The following TCEA2 variants were observed in gnomAD, a reference collection of about 807,000 sequenced individuals.
The protein encoded by TCEA2 is transcription elongation factor A protein 2.
TCEA2 carries 21 observed loss-of-function variants against 40.8 expected under a neutral mutation model. The observed-to-expected ratio is 0.51, with a 90% CI of 0.36 to 0.74. TCEA2 has a LOEUF of 0.74. Among genes scored for constraint, TCEA2 ranks in the 30% least tolerant of loss-of-function variants. TCEA2 has a pLI of 0.00. For missense variants in TCEA2, 326 were observed against 426.5 expected (o/e 0.76, Z 2.08); for synonymous variants, 165 against 162.7 (o/e 1.01, Z -0.11).
At chr20:64,071,974 C>G (rs1408324247) in intron 9 of TCEA2, 33 bp downstream of exon 9, 1 of 1,612,884 alleles carries the variant, frequency 6.2e-7, no homozygotes, top group Non-Finnish European at 8.5e-7. Context: ...CCCCTCCCAG[C>G]TCCATTCTCT....
intron 6 of TCEA2, chr20:64,070,052 C>T (rs1168093554): frequency 2.2e-6 from 2 of 893,340 alleles, no homozygotes; most frequent in African/African-American, 3.3e-5. Context: ...GGGCTGTAGC[C>T]TGAAGCTGGG....
At chr20:64,066,450 T>C (rs1339328172) in intron 1 of TCEA2, 26 bp from the exon 2 acceptor site, 1 of 1,612,434 alleles carries the variant, frequency 6.2e-7, no homozygotes, top group South Asian at 1.1e-5. Context: ...TAAAGTCCTT[T>C]ATGAAGGTCC....
At chr20:64,056,103 C>T (rs2059470673), upstream of TCEA2, among the ~76,000 whole-genome samples, 1 of 152,104 alleles carries the variant, frequency 6.6e-6, no homozygotes, top group African/African-American at 2.4e-5. Context: ...CCGCCACTGG[C>T]CTCTGGGGAT....
chr20:64,067,962 G>T (rs995085913), intron 3 of TCEA2, 85 bp from the exon 4 acceptor site: 8 of 1,036,076 alleles, frequency 7.7e-6, no homozygotes, highest in Non-Finnish European at 1.1e-5. Context: ...GTTGGTGGTC[G>T]GGCTGAGGCT....
At position 64,066,942 on chromosome 20, in the gene TCEA2, GC is replaced by G; in HGVS notation, c.166del (p.Leu56PhefsTer91). On this transcript the variant is annotated frameshift_variant, in exon 3 of 10. Coordinates refer to ENST00000343484, the MANE Select transcript of TCEA2 (RefSeq NM_003195.6). LOFTEE classifies it high-confidence loss of function. ...CACCCGAGTCGGGATGTCTGTCAAC[GC>G]CCTTCGGAAGCAGAGCTCGGATGAG... ...QSTRVGMSVN[A>X]LRKQSSDEEV... The G allele has an allele frequency of 1.9e-6, 3 of 1,614,028 alleles. No individual in the cohort carries two copies. The highest frequency in any genetic ancestry group is 2.5e-6 in the Non-Finnish European group (3 of 1,179,974).
chr20:64,062,397 A>C (rs896909341), upstream of TCEA2: 2 of 152,276 alleles, frequency 1.3e-5, no homozygotes, highest in African/African-American at 4.8e-5. Flanking sequence ...AATGAACACT[A>C]ATTGTCATGC....
rs1419714721 is a variant in TCEA2 at position 64,069,380 on chromosome 20, C to G, written c.349C>G (p.Pro117Ala). Residue 117 changes from proline to alanine, a missense_variant, in exon 5 of 10, where the codon CCC becomes GCC. Physicochemically the swap from Pro to Ala is conservative, Grantham distance 27. Transcript: ENST00000343484. The stretch of plus-strand genomic sequence containing the variant: ...CTGCAGCCGCAAGAGGCCGGAGCTG[C>G]CCAGGGCACCGTCGACTCCGAGGAT... ...PDPSRKRPEL[P>A]RAPSTPRITT... The G allele has an allele frequency of 6.3e-7, 1 of 1,598,426 alleles. No individual in the cohort carries two copies. Among genetic ancestry groups the G allele is most frequent in the Non-Finnish European group, 8.5e-7 (1 of 1,172,714 alleles).
At chr20:64,060,217 A>T (rs2059535555), upstream of TCEA2, among the ~76,000 whole-genome samples, 1 of 152,058 alleles carries the variant, frequency 6.6e-6, no homozygotes, top group South Asian at 2.1e-4. Flanking sequence ...CCAGCATCTC[A>T]GGATCTGCAG....
rs1418610164 is a variant in TCEA2, at chr20:64,066,909, TCG to T, written c.136-5_136-4del. 1 of 1,613,554 alleles carries T rather than the reference TCG, an allele frequency of 6.2e-7. No homozygotes were observed. On this transcript the variant is annotated splice_region_variant and splice_polypyrimidine_tract_variant and intron_variant, in intron 2 of 9. Coordinates refer to ENST00000343484, the MANE Select transcript of TCEA2 (RefSeq NM_003195.6). Reference sequence around the variant, plus strand: ...CCTCCCCCAACCCAGACCACTTGCCTCGTAGTCCACCCGAGTCGGGATGTCTG... The same window carrying T: ...CCTCCCCCAACCCAGACCACTTGCCTTAGTCCACCCGAGTCGGGATGTCTG...
chr20:64,057,170 C>A (rs994199378), upstream of TCEA2: 9 of 152,232 alleles, frequency 5.9e-5, no homozygotes, highest in African/African-American at 2.2e-4. Context: ...TCCACCTGCA[C>A]GTCATGTGGC....
chr20:64,063,402 C>T lies in TCEA2; in HGVS notation c.72+18C>T. On this transcript the variant is annotated intron_variant, in intron 1 of 9. Transcript: ENST00000343484. ...AGAGCGCGGTGAGGGGCGCGGGCCGCCAGGACCCCGGGAACCCCGCCCCGC... is the reference window on the plus strand; with the variant it reads ...AGAGCGCGGTGAGGGGCGCGGGCCGTCAGGACCCCGGGAACCCCGCCCCGC... The T allele has an allele frequency of 1.3e-6, 2 of 1,543,294 alleles. No homozygotes were observed. The highest frequency in any genetic ancestry group is 1.7e-6 in the Non-Finnish European group (2 of 1,145,698).
intron 8 of TCEA2, 44 bp downstream of exon 8, chr20:64,070,679 G>T: frequency 6.7e-7 from 1 of 1,482,110 alleles, no homozygotes; most frequent in South Asian, 1.3e-5. Context: ...GGTGTCTTCA[G>T]GGCATCTGGT....
At chr20:64,070,115 T>C in intron 6 of TCEA2, 145 bp from the exon 7 acceptor site, 1 of 1,252,314 alleles carries the variant, frequency 8.0e-7, no homozygotes, top group Non-Finnish European at 1.1e-6. Flanking sequence ...CCTTCACCTC[T>C]CCACCAGGTG....
chr20:64,060,415 C>T (rs551868225), upstream of TCEA2, among the ~76,000 whole-genome samples: 24 of 152,336 alleles, frequency 1.6e-4, 1 homozygote, highest in East Asian at 1.9e-3. Flanking sequence ...CCCGGACCTC[C>T]GAAGCCAAAC....
At chr20:64,056,092 G>T (rs6062623), upstream of TCEA2, among the ~76,000 whole-genome samples, 304 of 152,268 alleles carry the variant, frequency 2.0e-3, 1 homozygote, top group African/African-American at 7.1e-3. Context: ...GGCCGCCAGG[G>T]CCGCCACTGG....
intron 7 of TCEA2, 23 bp downstream of exon 7, chr20:64,070,437 G>A (rs368732895): frequency 8.1e-6 from 13 of 1,613,838 alleles, no homozygotes; most frequent in Non-Finnish European, 1.0e-5. Flanking sequence ...TGGAGGGGCT[G>A]GAGGGCTGCT....
chr20:64,056,765 G>C (rs185213059), upstream of TCEA2: 2 of 152,246 alleles, frequency 1.3e-5, no homozygotes, highest in Non-Finnish European at 2.9e-5. Context: ...CTGGACTCAG[G>C]ATGGGGGAGG....
upstream of TCEA2, among the ~76,000 whole-genome samples, chr20:64,061,096 C>CTTTTTT (rs71197441): frequency 9.1e-4 from 55 of 60,514 alleles, 6 homozygotes; most frequent in Admixed American, 1.7e-3. Flanking sequence ...CAGCCTGAGT[C>CTTTTTT]TTTTTTTTTT....
chr20:64,055,962 C>G (rs1487072286), upstream of TCEA2, among the ~76,000 whole-genome samples: 1 of 152,068 alleles, frequency 6.6e-6, no homozygotes, highest in African/African-American at 2.4e-5. This position sits in a 1 kb window ranked among gnomAD's most constrained non-coding sequence, Gnocchi z 4.0. Flanking sequence ...CCCGACCCCA[C>G]GGCTGCCTGG....
Sources: gnomAD v4.1 joint callset for allele counts (sites outside exome capture counted in the v4.1 genomes callset) on GRCh38, gnomAD v4.1.1 for gene constraint, Gnocchi (gnomAD v3.1) non-coding constraint, MANE v1.5 for transcripts, NCBI Gene and HGNC (gene_info 2026-07-23, HGNC 2026-07-21) for gene names.